The following IMPA2 variants were observed in gnomAD, a reference collection of about 807,000 sequenced individuals.
The protein encoded by IMPA2 is IMP 2.
IMPA2 carries 32 observed loss-of-function variants against 35.1 expected under a neutral mutation model. The observed-to-expected ratio is 0.91, with a 90% CI of 0.69 to 1.23. The LOEUF (loss-of-function observed/expected upper bound fraction) is 1.23. Among genes scored for constraint, IMPA2 ranks in the 50% most tolerant of loss-of-function variants. The pLI is 0.00. For missense variants in IMPA2, 334 were observed against 387.6 expected, an observed-to-expected ratio of 0.86 and a Z score of 1.16; for synonymous variants, 135 against 160.6, an observed-to-expected ratio of 0.84 and a Z score of 1.20.
At chr18:12,029,832 C>G (rs190467151) in intron 7 of IMPA2, among the ~76,000 whole-genome samples, 33 of 152,332 alleles carry the variant, frequency 2.2e-4, no homozygotes, top group African/African-American at 7.2e-4. Flanking sequence ...TGTTTCATAT[C>G]CCTCAGGAAG....
intron 4 of IMPA2, 49 bp downstream of exon 4, chr18:12,012,264 G>A (rs747598960): frequency 1.3e-6 from 2 of 1,513,162 alleles, no homozygotes; most frequent in Non-Finnish European, 1.8e-6. Context: ...GCTCCCTCTG[G>A]CCATCCTTCC....
At chr18:12,011,478 C>T (rs559090270) in intron 3 of IMPA2, among the ~76,000 whole-genome samples, 3 of 152,242 alleles carry the variant, frequency 2.0e-5, no homozygotes, top group African/African-American at 4.8e-5. Context: ...CCCAAGGTCC[C>T]ACACACCCTG....
intron 5 of IMPA2, among the ~76,000 whole-genome samples, chr18:12,020,172 C>CTTTATTTA (rs538492835): frequency 0.013 from 2,010 of 150,160 alleles, 27 homozygotes; most frequent in African/African-American, 0.027. Flanking sequence ...CACACTCGGC[C>CTTTATTTA]TTTATTTATT....
At chr18:12,026,298 G>A (rs550460879) in intron 5 of IMPA2, among the ~76,000 whole-genome samples, 3 of 152,148 alleles carry the variant, frequency 2.0e-5, no homozygotes, top group Non-Finnish European at 2.9e-5. Flanking sequence ...CTCCCAAAAT[G>A]TTGGGATTAC....
At chr18:12,001,556 G>T (rs1395986690) in intron 2 of IMPA2, among the ~76,000 whole-genome samples, 1 of 152,202 alleles carries the variant, frequency 6.6e-6, no homozygotes, top group Non-Finnish European at 1.5e-5. Flanking sequence ...GGGTTAATGT[G>T]TGCAGTTGGT....
intron 2 of IMPA2, among the ~76,000 whole-genome samples, chr18:12,007,098 C>G (rs1354450985): frequency 6.6e-6 from 1 of 151,754 alleles, no homozygotes; most frequent in Non-Finnish European, 1.5e-5. Context: ...CCATTGCACT[C>G]CAGCCTGGGC....
At chr18:11,985,146 TCAAAAA>T (rs1568025046) in intron 1 of IMPA2, among the ~76,000 whole-genome samples, 1 of 47,934 alleles carries the variant, frequency 2.1e-5, no homozygotes. Flanking sequence ...AAACTCTGTC[TCAAAAA>T]AAAAAAAAAA....
intron 1 of IMPA2, among the ~76,000 whole-genome samples, chr18:11,982,880 T>C (rs1182605501): frequency 2.0e-5 from 3 of 151,990 alleles, no homozygotes; most frequent in African/African-American, 7.3e-5. Context: ...TATTCAAACA[T>C]TTGTTTTCTT....
intron 5 of IMPA2, among the ~76,000 whole-genome samples, 165 bp from the exon 6 acceptor site, chr18:12,027,878 G>T (rs146306985): frequency 8.5e-4 from 129 of 151,842 alleles, no homozygotes; most frequent in African/African-American, 2.7e-3. Context: ...CACTGTGCCC[G>T]GTCCATCCTT....
At chr18:12,000,606 GTGTT>G (rs1445697419) in intron 2 of IMPA2, among the ~76,000 whole-genome samples, 1 of 142,422 alleles carries the variant, frequency 7.0e-6, no homozygotes, top group Non-Finnish European at 1.5e-5. Flanking sequence ...AGGGTGTAAA[GTGTT>G]TGTGATTTTT....
At chr18:12,015,405 C>T (rs1488933335) in intron 5 of IMPA2, among the ~76,000 whole-genome samples, 2 of 152,244 alleles carry the variant, frequency 1.3e-5, no homozygotes, top group African/African-American at 4.8e-5. Context: ...TGCCTGTGTG[C>T]CCAGATGGCC....
chr18:12,015,314 C>T (rs1016085233), intron 5 of IMPA2, among the ~76,000 whole-genome samples: 7 of 152,234 alleles, frequency 4.6e-5, no homozygotes, highest in Admixed American at 2.0e-4. Flanking sequence ...TGACCCACTT[C>T]CAGCCTCTCT....
intron 1 of IMPA2, among the ~76,000 whole-genome samples, chr18:11,986,977 T>A (rs1235318312): frequency 1.3e-5 from 2 of 152,216 alleles, no homozygotes; most frequent in Non-Finnish European, 1.5e-5. Flanking sequence ...GAATGTTTTG[T>A]TTTGTTTTGC....
Position 11,984,277 on chromosome 18 carries a change from C to T in IMPA2, c.96+2512C>T, listed in dbSNP as rs79466469. Among the ~76,000 whole-genome samples, 3 of 152,330 alleles carry T rather than the reference C, an allele frequency of 2.0e-5. No individual in the cohort carries two copies. The East Asian group carries it at 5.8e-4, about 29-fold the overall frequency. ...TTCTGTGCCACTCTTCCTTCCGTGA[C>T]CGTGGGGATCATCCCTGCCCTCCTA... On this transcript the variant is annotated intron_variant, in intron 1 of 7. Transcript: ENST00000269159.
rs68185380 is a variant in IMPA2, at chr18:12,022,528, A to AAATATATATATATATATATATATATATAT, written c.491-5514_491-5513insATATATATATATATATATATATATATATA. ...CAGAATGGGGCTCCATCTCAAAAAG[A>AAATATATATATATATATATATATATATAT]ATATATATATATATATATATATATA... On this transcript the variant is annotated intron_variant, in intron 5 of 7. Transcript: ENST00000269159. Among the ~76,000 whole-genome samples, 353 of 96,724 alleles carry AAATATATATATATATATATATATATATAT rather than the reference A, an allele frequency of 3.6e-3. 30 individuals are homozygous for AAATATATATATATATATATATATATATAT. The highest frequency in any genetic ancestry group is 5.3e-3 in the African/African-American group (122 of 23,116). The allele number at this position is 96,724 out of a possible 152,430, so 63.5% of individuals were successfully genotyped here.
intron 5 of IMPA2, among the ~76,000 whole-genome samples, chr18:12,022,946 T>C (rs1333807649): frequency 7.8e-6 from 1 of 128,942 alleles, no homozygotes; most frequent in African/African-American, 3.4e-5. Flanking sequence ...GCCTAATTTT[T>C]TTTTTTTTTT....
At chr18:12,012,329 A>G in intron 4 of IMPA2, 114 bp downstream of exon 4, 2 of 842,290 alleles carry the variant, frequency 2.4e-6, no homozygotes, top group South Asian at 1.5e-5. Flanking sequence ...TGCCTTAATC[A>G]TGACTGGCAA....
chr18:11,992,640 C>T (rs1237334828), intron 1 of IMPA2, among the ~76,000 whole-genome samples: 3 of 152,236 alleles, frequency 2.0e-5, no homozygotes, highest in South Asian at 2.1e-4. Context: ...AGGAGAGACC[C>T]GAGCCAGGGG....
chr18:12,028,928 G>T lies in IMPA2; in HGVS notation c.686G>T (p.Cys229Phe). The T allele has an allele frequency of 4.3e-6, 7 of 1,614,104 alleles. No homozygotes were observed. Among genetic ancestry groups the T allele is most frequent in the Non-Finnish European group, 5.9e-6 (7 of 1,180,032 alleles). The change falls in exon 7 of 8, where the codon TGC becomes TTC. Residue 229 changes from cysteine (C) to phenylalanine (F), a missense_variant. Cys to Phe is a radical substitution (Grantham distance 205). Transcript: ENST00000269159. The part of the protein sequence containing the change: ...ADAYYQFGLH[C>F]WDLAAATVII... ...GCCTATTACCAGTTTGGCCTGCACTGCTGGGATCTGGCGGCTGCCACAGTC... is the reference window on the plus strand; with the variant it reads ...GCCTATTACCAGTTTGGCCTGCACTTCTGGGATCTGGCGGCTGCCACAGTC...
Sources: allele counts gnomAD v4.1 joint callset (sites outside exome capture counted in the v4.1 genomes callset), GRCh38; gene constraint gnomAD v4.1.1; transcripts MANE v1.5; gene names NCBI Gene and HGNC (gene_info 2026-07-23, HGNC 2026-07-21).